The following PPARG variants were observed in gnomAD, a reference collection of about 807,000 sequenced individuals.
PPARG encodes peroxisome proliferator activated receptor gamma.
A neutral mutation model predicts 39.2 loss-of-function variants in PPARG; 17 were observed. The ratio of observed to expected loss-of-function variants is 0.43; its 90% CI spans 0.30 to 0.65. The LOEUF is 0.65. PPARG is among the 30% of genes least tolerant of loss of function. The pLI, the probability that PPARG is intolerant of heterozygous loss-of-function variation, is 0.13. For missense variants in PPARG, 406 were observed against 585.9 expected, an observed-to-expected ratio of 0.69 and a Z score of 3.17; for synonymous variants, 223 against 215.7, an observed-to-expected ratio of 1.03 and a Z score of -0.30.
chr3:12,295,689 A>G (rs964721225), intron 1 of PPARG, among the ~76,000 whole-genome samples: 5 of 151,664 alleles, frequency 3.3e-5, no homozygotes, highest in Admixed American at 6.6e-5. Context: ...AATTTTTTGC[A>G]TTTTTATTAG....
rs9282832 is a variant in PPARG at position 12,423,951 on chromosome 3, A to G, written c.1180+6797A>G. Among the ~76,000 whole-genome samples, 300 of 152,354 alleles carry G rather than the reference A, an allele frequency of 2.0e-3. 1 individual carries two copies. Among genetic ancestry groups the G allele is most frequent in the African/African-American group, 6.6e-3 (276 of 41,588 alleles). On this transcript the variant is annotated intron_variant, in intron 7 of 7. Transcript: ENST00000651735. ...TGAGAGTAATAGCACTTATTTATTA[A>G]CTGGAAGAAATTTTACAGGCACCTA...
chr3:12,399,447 C>CGT (rs1316036993), intron 5 of PPARG: 2 of 454,638 alleles, frequency 4.4e-6, no homozygotes, highest in African/African-American at 4.0e-5. Flanking sequence ...GTGAGCCAAG[C>CGT]GTGGTGGTGC....
At position 12,433,895 on chromosome 3, in the gene PPARG, C is replaced by G; in HGVS notation, c.1181-3C>G. 1 of 1,614,092 alleles carries G rather than the reference C, an allele frequency of 6.2e-7. No individual in the cohort carries two copies. Among genetic ancestry groups the G allele is most frequent in the South Asian group, 1.1e-5 (1 of 91,060 alleles). On this transcript the variant is annotated splice_polypyrimidine_tract_variant and splice_region_variant and intron_variant, in intron 7 of 7. Transcript: ENST00000651735. ...GTTGTGTTTTCCATATGTGCTTCCC[C>G]AGACCGCCCAGGTTTGCTGAATGTG...
intron 2 of PPARG, among the ~76,000 whole-genome samples, chr3:12,372,507 G>C (rs1575073932): frequency 6.6e-6 from 1 of 152,088 alleles, no homozygotes; most frequent in Admixed American, 6.6e-5. Context: ...ACACAATCCG[G>C]GCACAATATT....
upstream of PPARG, chr3:12,287,863 G>T (rs1232760512): frequency 1.8e-5 from 2 of 109,570 alleles, no homozygotes; most frequent in African/African-American, 6.8e-5. Flanking sequence ...GCCCGCGCCC[G>T]CCCCCGCGCC....
intron 1 of PPARG, among the ~76,000 whole-genome samples, chr3:12,310,447 G>A (rs1460621302): frequency 7.0e-6 from 1 of 142,402 alleles, no homozygotes; most frequent in Non-Finnish European, 1.5e-5. Flanking sequence ...TTGTTTTCAC[G>A]TATTTGAGCC....
At chr3:12,410,153 A>T (rs1448995584) in intron 6 of PPARG, among the ~76,000 whole-genome samples, 1 of 152,210 alleles carries the variant, frequency 6.6e-6, no homozygotes, top group East Asian at 1.9e-4. Flanking sequence ...AACCGCCCTC[A>T]ATAGGATGGA....
At chr3:12,345,011 C>T (rs939491109) in intron 2 of PPARG, 2 of 152,134 alleles carry the variant, frequency 1.3e-5, no homozygotes, top group African/African-American at 4.8e-5. Context: ...TTATTTTCTT[C>T]TTTTGCTTTG....
intron 2 of PPARG, among the ~76,000 whole-genome samples, chr3:12,316,434 G>A (rs2047390582): frequency 6.6e-6 from 1 of 152,112 alleles, no homozygotes; most frequent in Non-Finnish European, 1.5e-5. Context: ...CAGGGGCTGC[G>A]GCACTGGAAA....
upstream of PPARG, among the ~76,000 whole-genome samples, chr3:12,288,645 T>TGGGGACCG (rs2046570756): frequency 2.0e-5 from 3 of 152,070 alleles, no homozygotes; most frequent in South Asian, 6.2e-4. Flanking sequence ...GACCGCCGCT[T>TGGGGACCG]GGGGACCGGG....
intron 2 of PPARG, among the ~76,000 whole-genome samples, chr3:12,364,387 G>A (rs894155371): frequency 6.6e-6 from 1 of 152,126 alleles, no homozygotes; most frequent in African/African-American, 2.4e-5. Context: ...TGGCTTGATA[G>A]CTCATTTCTT....
intron 4 of PPARG, among the ~76,000 whole-genome samples, chr3:12,382,478 C>T (rs776609812): frequency 7.2e-5 from 11 of 152,040 alleles, no homozygotes; most frequent in East Asian, 1.9e-4. Context: ...TAAATACCTG[C>T]TTATTGGGCT....
intron 2 of PPARG, among the ~76,000 whole-genome samples, chr3:12,366,104 G>A (rs554978007): frequency 4.2e-4 from 64 of 151,808 alleles, no homozygotes; most frequent in African/African-American, 1.4e-3. Flanking sequence ...TCCTATATAG[G>A]TTTCATATAT....
intron 7 of PPARG, among the ~76,000 whole-genome samples, chr3:12,427,322 T>C (rs2051485119): frequency 6.6e-6 from 1 of 152,210 alleles, no homozygotes; most frequent in Admixed American, 6.5e-5. Context: ...ACCTTGCCTA[T>C]GTGCACTCAA....
chr3:12,311,906 T>C (rs1390584531), intron 1 of PPARG, among the ~76,000 whole-genome samples: 1 of 152,214 alleles, frequency 6.6e-6, no homozygotes, highest in African/African-American at 2.4e-5. Context: ...TAACCATGTG[T>C]CATCTAGAAT....
At chr3:12,356,835 C>CTTT (rs2125106976) in intron 2 of PPARG, among the ~76,000 whole-genome samples, 1 of 152,210 alleles carries the variant, frequency 6.6e-6, no homozygotes, top group Admixed American at 6.5e-5. Flanking sequence ...AGAGTAAGGC[C>CTTT]GACCCACCCT....
intron 2 of PPARG, among the ~76,000 whole-genome samples, chr3:12,369,122 C>T (rs553021905): frequency 6.6e-5 from 10 of 152,250 alleles, no homozygotes; most frequent in Admixed American, 2.6e-4. Flanking sequence ...AGCTAAATCC[C>T]GCTCCTCATA....
At chr3:12,311,739 T>C (rs1207548892) in intron 1 of PPARG, among the ~76,000 whole-genome samples, 3 of 152,144 alleles carry the variant, frequency 2.0e-5, no homozygotes, top group Admixed American at 6.5e-5. Flanking sequence ...GAGCCTTTCA[T>C]AAGAGATAAG....
intron 6 of PPARG, among the ~76,000 whole-genome samples, chr3:12,411,278 A>AT (rs201882413): frequency 0.013 from 1,944 of 152,056 alleles, 48 homozygotes; most frequent in African/African-American, 0.045. Context: ...CTGGCAATTG[A>AT]TTTTTTTAAG....
Sources: gnomAD v4.1 joint callset for allele counts (sites outside exome capture counted in the v4.1 genomes callset) on GRCh38, gnomAD v4.1.1 for gene constraint, MANE v1.5 for transcripts, NCBI Gene and HGNC (gene_info 2026-07-23, HGNC 2026-07-21) for gene names.